The following PCDHA7 variants were observed in gnomAD, a reference collection of about 807,000 sequenced individuals.
PCDHA7 encodes protocadherin alpha 7.
PCDHA7 carries 37 observed loss-of-function variants against 57.2 expected under a neutral mutation model. That is an observed-to-expected ratio of 0.65 (90% CI 0.50 to 0.85). PCDHA7 has a LOEUF of 0.85. Ranked by LOEUF, PCDHA7 falls within the 40% of genes least tolerant of loss-of-function variation. The pLI is 0.00. For synonymous variants in PCDHA7, 553 were observed against 558.8 expected (o/e 0.99, Z 0.15); for missense variants, 1,188 against 1,241.8 (o/e 0.96, Z 0.65).
At chr5:140,969,057 T>G in intron 1 of PCDHA7, 2 of 1,614,162 alleles carry the variant, frequency 1.2e-6, no homozygotes, top group Non-Finnish European at 1.7e-6. Context: ...AACAACAATA[T>G]TGATGCCAGG....
chr5:140,989,758 T>C (rs1554251084), intron 3 of PCDHA7, among the ~76,000 whole-genome samples: 1 of 152,188 alleles, frequency 6.6e-6, no homozygotes, highest in African/African-American at 2.4e-5. Flanking sequence ...GAGAAACATA[T>C]TCAGTTCAAG....
At chr5:140,998,049 ACAT>A (rs782468760) in intron 3 of PCDHA7, among the ~76,000 whole-genome samples, 4 of 152,194 alleles carry the variant, frequency 2.6e-5, no homozygotes, top group Admixed American at 6.5e-5. Flanking sequence ...TAACTCAGTG[ACAT>A]CATCATCAAC....
In PCDHA7 at chr5:140,843,430, CATCTGCGCGGT is replaced by C. The variant is rs1778874946; in HGVS notation, c.2355+6696_2355+6706del. The C allele has an allele frequency of 1.6e-5, 26 of 1,596,170 alleles. 2 individuals carry two copies. Among genetic ancestry groups the C allele is most frequent in the Non-Finnish European group, 2.1e-5 (24 of 1,165,672 alleles). On this transcript the variant is annotated intron_variant, in intron 1 of 3. Coordinates refer to ENST00000525929, the MANE Select transcript of PCDHA7 (RefSeq NM_018910.3). ...ATGTCAACGTGTACCTGATCATCGC[CATCTGCGCGGT>C]ATCCAGCCTGCTGGTGCTCACGCTG...
chr5:140,967,156 G>T, intron 1 of PCDHA7: 1 of 1,610,540 alleles, frequency 6.2e-7, no homozygotes, highest in Non-Finnish European at 8.5e-7. Context: ...ACCCCGTGGC[G>T]GTGAGCGCCG....
At position 140,836,508 on chromosome 5, in the gene PCDHA7, A is replaced by G. The variant is rs2150262609; in HGVS notation, c.2125A>G (p.Ser709Gly). Residue 709 changes from serine to glycine, a missense_variant, in exon 1 of 4, where the codon AGT becomes GGT. By Grantham distance (56) the Ser-to-Gly change is moderately conservative. Around this residue, in one of 3 missense-constraint regions of PCDHA7, gnomAD observed 892 missense variants for 788.5 expected, o/e 1.13. Coordinates refer to ENST00000525929, the MANE Select transcript of PCDHA7 (RefSeq NM_018910.3). ...YLIIAICAVS[S>G]LLVLTLLLYT... Reference sequence around the variant, plus strand: ...GATCATCGCCATCTGCGCGGTGTCCAGTCTGTTGGTGCTTACCCTGCTGCT... The same window carrying G: ...GATCATCGCCATCTGCGCGGTGTCCGGTCTGTTGGTGCTTACCCTGCTGCT... 1 of 1,613,830 alleles carries G rather than the reference A, an allele frequency of 6.2e-7. No homozygotes were observed. Among genetic ancestry groups the G allele is most frequent in the Non-Finnish European group, 8.5e-7 (1 of 1,179,832 alleles).
intron 3 of PCDHA7, among the ~76,000 whole-genome samples, chr5:141,006,446 C>T (rs2098274720): frequency 1.3e-5 from 2 of 152,066 alleles, no homozygotes; most frequent in South Asian, 4.1e-4. Flanking sequence ...ATCTCCTGAC[C>T]TCGAGATCTG....
chr5:140,968,567 G>A (rs1586307422), intron 1 of PCDHA7: 1 of 1,614,156 alleles, frequency 6.2e-7, no homozygotes, highest in East Asian at 2.2e-5. Flanking sequence ...TGCCCCTGCT[G>A]GCTACCTGGT....
At chr5:140,867,346 ATGAT>A (rs1302874220) in intron 1 of PCDHA7, 5 of 152,256 alleles carry the variant, frequency 3.3e-5, no homozygotes, top group East Asian at 1.9e-4. Context: ...AGAGGCTACT[ATGAT>A]TGATTATTTT....
At chr5:140,925,231 G>A (rs2082401450) in intron 1 of PCDHA7, among the ~76,000 whole-genome samples, 1 of 152,154 alleles carries the variant, frequency 6.6e-6, no homozygotes, top group Non-Finnish European at 1.5e-5. Flanking sequence ...GTTTCTACCA[G>A]AAAATATGTC....
intron 1 of PCDHA7, chr5:140,884,167 G>A: frequency 4.3e-6 from 7 of 1,613,412 alleles, no homozygotes; most frequent in Non-Finnish European, 5.1e-6. Context: ...AGATCAGCAC[G>A]ACGCGCCCTC....
chr5:140,840,887 T>A (rs1359040754), intron 1 of PCDHA7, among the ~76,000 whole-genome samples: 2 of 151,984 alleles, frequency 1.3e-5, no homozygotes, highest in South Asian at 4.1e-4. Context: ...ATTTCTGATA[T>A]CCATGACATA....
intron 1 of PCDHA7, among the ~76,000 whole-genome samples, chr5:140,937,993 G>A (rs1554211932): frequency 6.6e-6 from 1 of 151,358 alleles, no homozygotes. Flanking sequence ...TGTTAACTTT[G>A]TATCCAATGT....
intron 1 of PCDHA7, chr5:140,850,511 CG>C (rs1562470746): frequency 6.3e-7 from 1 of 1,598,154 alleles, no homozygotes; most frequent in Non-Finnish European, 8.6e-7. Flanking sequence ...TGGTGGAGAG[CG>C]GCCAGGCGCC....
Position 140,929,454 on chromosome 5 carries a change from C to T in PCDHA7, c.2356-49495C>T, listed in dbSNP as rs2086172726. ...AACTAAACACTCCTTCTTAGCACTTCCTGTGCCAAGAAATCTGGAAGTATA... is the reference window on the plus strand; with the variant it reads ...AACTAAACACTCCTTCTTAGCACTTTCTGTGCCAAGAAATCTGGAAGTATA... On this transcript the variant is annotated intron_variant, in intron 1 of 3. Transcript: ENST00000525929. 7 of 1,355,724 alleles carry T rather than the reference C, an allele frequency of 5.2e-6. No individual in the cohort carries two copies. In the Admixed American group the frequency reaches 8.0e-5, roughly 16 times the overall value. The allele number at this position is 1,355,724 out of a possible 1,614,324, so 84.0% of individuals were successfully genotyped here. A position where few individuals can be genotyped will look rare whatever the true frequency, so the allele number is the denominator to read the frequency against.
At chr5:140,956,057 T>C (rs2095252530) in intron 1 of PCDHA7, among the ~76,000 whole-genome samples, 1 of 152,308 alleles carries the variant, frequency 6.6e-6, no homozygotes, top group South Asian at 2.1e-4. Flanking sequence ...GCTGAGACAA[T>C]GGGGTTTTCC....
At chr5:140,944,219 A>G (rs191111426) in intron 1 of PCDHA7, among the ~76,000 whole-genome samples, 202 of 152,176 alleles carry the variant, frequency 1.3e-3, no homozygotes, top group Non-Finnish European at 2.3e-3. Context: ...AGAGGGTTTT[A>G]CTCTGTCGCT....
At chr5:140,849,357 G>A in intron 1 of PCDHA7, 1 of 1,458,086 alleles carries the variant, frequency 6.9e-7, no homozygotes, top group Non-Finnish European at 9.4e-7. Flanking sequence ...TGTTTCTCCA[G>A]ATATAAAATC....
chr5:140,980,265 A>G (rs1041506600), intron 2 of PCDHA7, among the ~76,000 whole-genome samples: 1 of 152,258 alleles, frequency 6.6e-6, no homozygotes, highest in Non-Finnish European at 1.5e-5. Flanking sequence ...CATGGTTTAC[A>G]GTACCAACTC....
chr5:140,895,995 G>A (rs2065293379), intron 1 of PCDHA7, among the ~76,000 whole-genome samples: 1 of 152,058 alleles, frequency 6.6e-6, no homozygotes, highest in Non-Finnish European at 1.5e-5. Flanking sequence ...ATTTTAAGTA[G>A]AGACAGGGTT....
Sources: gnomAD v4.1 joint callset for allele counts (sites outside exome capture counted in the v4.1 genomes callset) on GRCh38, gnomAD v4.1.1 for gene constraint, gnomAD v4.1.1 regional missense constraint, MANE v1.5 for transcripts, NCBI Gene and HGNC (gene_info 2026-07-23, HGNC 2026-07-21) for gene names.